HPSE2: variants seen among roughly 807,000 people sequenced by gnomAD.
HPSE2 encodes the protein heparanase 2 (inactive).
In HPSE2, 38 loss-of-function variants were observed where a neutral mutation model predicts 60.5. The observed-to-expected ratio is 0.63, with a 90% CI of 0.48 to 0.82. The LOEUF is 0.82. Ranked by LOEUF, HPSE2 falls within the 40% of genes least tolerant of loss-of-function variation. The probability of loss-of-function intolerance (pLI) is 0.00; values close to 1 mark genes in which losing one functional copy is unlikely to be tolerated. For synonymous variants in HPSE2, 295 were observed against 293.2 expected, an observed-to-expected ratio of 1.01 and a Z score of -0.06; for missense variants, 713 against 740.4, an observed-to-expected ratio of 0.96 and a Z score of 0.43.
At chr10:99,164,429 C>T (rs1397239223) in intron 2 of HPSE2, among the ~76,000 whole-genome samples, 1 of 151,192 alleles carries the variant, frequency 6.6e-6, no homozygotes, top group Non-Finnish European at 1.5e-5. Flanking sequence ...CACTTCCTTA[C>T]TTTCTGGCAC....
intron 6 of HPSE2, among the ~76,000 whole-genome samples, chr10:98,654,307 T>C (rs1332687832): frequency 6.6e-6 from 1 of 152,200 alleles, no homozygotes. Context: ...GCCATTATTT[T>C]CCATTATTCT....
chr10:98,807,306 A>T (rs551081975), intron 3 of HPSE2, among the ~76,000 whole-genome samples: 115 of 152,362 alleles, frequency 7.5e-4, no homozygotes, highest in Middle Eastern at 3.4e-3. Flanking sequence ...AACTACATTC[A>T]TATTGCTGTG....
chr10:98,521,925 T>C (rs1008523277), intron 9 of HPSE2, among the ~76,000 whole-genome samples: 5 of 152,132 alleles, frequency 3.3e-5, no homozygotes, highest in African/African-American at 4.8e-5. Flanking sequence ...TAGGTGGGAA[T>C]TGAACAATGA....
chr10:99,193,009 T>C (rs1848274074), intron 2 of HPSE2, among the ~76,000 whole-genome samples: 1 of 152,142 alleles, frequency 6.6e-6, no homozygotes, highest in Admixed American at 6.5e-5. Context: ...ACCACTATAA[T>C]TGTAATATAT....
chr10:99,165,529 G>T (rs956863906), intron 2 of HPSE2, among the ~76,000 whole-genome samples: 1 of 143,986 alleles, frequency 6.9e-6, no homozygotes, highest in Non-Finnish European at 1.5e-5. Context: ...ATTTATTTAC[G>T]TATTTATTTA....
At chr10:98,940,814 C>T (rs1414428857) in intron 3 of HPSE2, among the ~76,000 whole-genome samples, 1 of 141,196 alleles carries the variant, frequency 7.1e-6, no homozygotes, top group Non-Finnish European at 1.5e-5. Flanking sequence ...CCTTGATGAA[C>T]ATTGATGCAA....
At chr10:99,101,105 A>G (rs550098843) in intron 3 of HPSE2, among the ~76,000 whole-genome samples, 1 of 152,202 alleles carries the variant, frequency 6.6e-6, no homozygotes, top group African/African-American at 2.4e-5. Flanking sequence ...ACCAGCTAAC[A>G]TCATAATGAC....
chr10:99,222,300 G>A (rs1318138076), intron 2 of HPSE2, among the ~76,000 whole-genome samples: 1 of 152,126 alleles, frequency 6.6e-6, no homozygotes, highest in Non-Finnish European at 1.5e-5. Context: ...ACATTTTGCA[G>A]ACTGTATAAC....
intron 2 of HPSE2, among the ~76,000 whole-genome samples, chr10:99,161,664 G>A (rs1564857179): frequency 6.6e-6 from 1 of 151,988 alleles, no homozygotes; most frequent in East Asian, 1.9e-4. Flanking sequence ...TGTAATGGGT[G>A]AATTTTATGA....
At chr10:99,000,074 A>G (rs116087757) in intron 3 of HPSE2, among the ~76,000 whole-genome samples, 215 of 152,260 alleles carry the variant, frequency 1.4e-3, no homozygotes, top group African/African-American at 5.1e-3. Context: ...TGCAGTAGAC[A>G]CTAATTAGTA....
chr10:99,042,147 C>A (rs1286355212), intron 3 of HPSE2, among the ~76,000 whole-genome samples: 1 of 151,878 alleles, frequency 6.6e-6, no homozygotes, highest in Non-Finnish European at 1.5e-5. Context: ...CTGCCCTGGT[C>A]CCTGCCCTTC....
chr10:98,774,186 A>G (rs943930398), intron 3 of HPSE2, among the ~76,000 whole-genome samples: 4 of 152,182 alleles, frequency 2.6e-5, no homozygotes, highest in African/African-American at 9.6e-5. Flanking sequence ...ACACACATAC[A>G]CAGTAAAAGC....
intron 5 of HPSE2, among the ~76,000 whole-genome samples, chr10:98,709,149 G>T (rs765778138): frequency 1.3e-5 from 2 of 152,020 alleles, no homozygotes; most frequent in Admixed American, 1.3e-4. Context: ...CCTGTTTCTC[G>T]GAAACTGGCC....
intron 6 of HPSE2, among the ~76,000 whole-genome samples, chr10:98,674,622 G>A (rs1475363333): frequency 6.6e-6 from 1 of 152,156 alleles, no homozygotes; most frequent in Non-Finnish European, 1.5e-5. Flanking sequence ...AAAATATATA[G>A]AGAAGAAAAT....
chr10:99,129,062 T>C (rs1589700949), intron 3 of HPSE2, among the ~76,000 whole-genome samples: 2 of 152,220 alleles, frequency 1.3e-5, no homozygotes, highest in Non-Finnish European at 2.9e-5. Flanking sequence ...AGAGGGACAT[T>C]ACACAAAGCT....
chr10:98,461,780 T>G, intron 11 of HPSE2: 1 of 1,591,190 alleles, frequency 6.3e-7, no homozygotes. Flanking sequence ...TAATGCCCTT[T>G]TAGATTCAGA....
chr10:98,937,556 G>C lies in HPSE2; in HGVS notation c.611-193500C>G, dbSNP rs1316665601. Among the ~76,000 whole-genome samples the C allele has an allele frequency of 1.4e-4, 20 of 144,422 alleles. 4 individuals are homozygous for C. Among genetic ancestry groups the C allele is most frequent in the African/African-American group, 5.3e-4 (19 of 35,776 alleles). The allele number at this position is 144,422 out of a possible 152,430, so 94.7% of individuals were successfully genotyped here. ...GGGAGGGGTGCCCACCATTGCCCAGGCTTTCTTAGGTAAACAAAGCAGCCT... is the reference window on the plus strand; with the variant it reads ...GGGAGGGGTGCCCACCATTGCCCAGCCTTTCTTAGGTAAACAAAGCAGCCT... On this transcript the variant is annotated intron_variant, in intron 3 of 11. Coordinates refer to ENST00000370552, the MANE Select transcript of HPSE2 (RefSeq NM_021828.5).
At chr10:98,778,203 C>T (rs1036663480) in intron 3 of HPSE2, among the ~76,000 whole-genome samples, 10 of 147,664 alleles carry the variant, frequency 6.8e-5, no homozygotes, top group African/African-American at 2.5e-4. Flanking sequence ...ATGGGAGAAG[C>T]ACATGCCCAT....
chr10:99,307,935 G>C, the HPSE2 span, among the ~76,000 whole-genome samples: 1 of 151,664 alleles, frequency 6.6e-6, no homozygotes, highest in Non-Finnish European at 1.5e-5. Context: ...AATAAGATCT[G>C]TTTTGGAAAC....
Sources: allele counts gnomAD v4.1 joint callset (sites outside exome capture counted in the v4.1 genomes callset), GRCh38; gene constraint gnomAD v4.1.1; transcripts MANE v1.5; gene names NCBI Gene and HGNC (gene_info 2026-07-23, HGNC 2026-07-21).